PDGFC: variants seen among roughly 807,000 people sequenced by gnomAD.
PDGFC encodes platelet-derived growth factor C.
PDGFC carries 12 observed loss-of-function variants against 35.5 expected under a neutral mutation model. That is an observed-to-expected ratio of 0.34 (90% confidence interval 0.22 to 0.55). PDGFC has a LOEUF of 0.55. Ranked by LOEUF, PDGFC falls within the 20% of genes least tolerant of loss-of-function variation. The pLI is 0.91. For missense variants in PDGFC, 322 were observed against 412.4 expected (o/e 0.78, Z 1.90); for synonymous variants, 159 against 148.8 (o/e 1.07, Z -0.50).
chr4:156,895,435 T>C lies in PDGFC; in HGVS notation c.119-45019A>G, dbSNP rs151262481. ...AAATCACTAGGTCAGGAGTTCAAGA[T>C]CAGCCTGGCCAACATGGTAAACCCC... On this transcript the variant is annotated intron_variant, in intron 1 of 5. Transcript: ENST00000502773. 2.4e-3 allele frequency among the ~76,000 whole-genome samples: 370 copies of C among 151,996 alleles called. 4 individuals are homozygous for C. The East Asian group carries it at 0.027, about 11-fold the overall frequency.
intron 2 of PDGFC, among the ~76,000 whole-genome samples, chr4:156,821,269 T>C (rs1332835815): frequency 6.6e-6 from 1 of 151,892 alleles, no homozygotes; most frequent in African/African-American, 2.4e-5. Context: ...CACTCTGTCA[T>C]ACAGGCTGGA....
intron 1 of PDGFC, among the ~76,000 whole-genome samples, chr4:156,861,172 A>G (rs549470946): frequency 6.6e-6 from 1 of 152,232 alleles, no homozygotes; most frequent in African/African-American, 2.4e-5. Context: ...ATGAGTGAAA[A>G]CAGTAAGAGG....
At chr4:156,904,614 G>T (rs1342473713) in intron 1 of PDGFC, among the ~76,000 whole-genome samples, 1 of 152,014 alleles carries the variant, frequency 6.6e-6, no homozygotes, top group Non-Finnish European at 1.5e-5. Context: ...ACATATAAGA[G>T]AATTTCACCA....
chr4:156,789,094 G>A (rs927461951), intron 3 of PDGFC, among the ~76,000 whole-genome samples: 12 of 152,122 alleles, frequency 7.9e-5, no homozygotes, highest in African/African-American at 2.9e-4. Context: ...GTGAACACTG[G>A]AAATACTTTT....
At chr4:156,932,173 A>AT (rs951573850) in intron 1 of PDGFC, among the ~76,000 whole-genome samples, 22 of 151,712 alleles carry the variant, frequency 1.5e-4, no homozygotes, top group East Asian at 3.9e-4. Context: ...CTTTTAAGGG[A>AT]TTTTTTTTTA....
At chr4:156,854,877 A>G (rs1729537145) in intron 1 of PDGFC, among the ~76,000 whole-genome samples, 2 of 152,276 alleles carry the variant, frequency 1.3e-5, no homozygotes, top group Non-Finnish European at 2.9e-5. Context: ...TGCACACTTA[A>G]CAAGAATCAA....
Position 156,807,121 on chromosome 4 carries a change from T to G in PDGFC, c.495+3716A>C, listed in dbSNP as rs544178916. On this transcript the variant is annotated intron_variant, in intron 3 of 5. Transcript: ENST00000502773. ...ACTGTATGTATCATTTGGCATCAAT[T>G]TGCAGAAATTTATTTTTTATTAGTT... Among the ~76,000 whole-genome samples the G allele has an allele frequency of 2.0e-5, 3 of 152,060 alleles. No homozygotes were observed. The East Asian group carries it at 5.8e-4, about 29-fold the overall frequency.
intron 1 of PDGFC, among the ~76,000 whole-genome samples, chr4:156,970,441 CTCAT>C (rs1158323531): frequency 1.3e-5 from 2 of 152,234 alleles, no homozygotes; most frequent in South Asian, 2.1e-4. Context: ...CATGCCAAGG[CTCAT>C]TCATTTTGGA....
intron 3 of PDGFC, among the ~76,000 whole-genome samples, chr4:156,785,252 A>C (rs945404841): frequency 6.6e-6 from 1 of 152,138 alleles, no homozygotes; most frequent in Non-Finnish European, 1.5e-5. Context: ...TGGTGTGTGG[A>C]GTACAGTGGC....
chr4:156,780,255 T>G (rs1286189931), intron 3 of PDGFC, among the ~76,000 whole-genome samples: 1 of 152,102 alleles, frequency 6.6e-6, no homozygotes, highest in East Asian at 1.9e-4. Context: ...AATCTTATAT[T>G]GAATACTTGT....
intron 2 of PDGFC, among the ~76,000 whole-genome samples, chr4:156,817,415 T>A (rs573600183): frequency 6.6e-6 from 1 of 152,284 alleles, no homozygotes; most frequent in East Asian, 1.9e-4. Context: ...AAAGTATAAG[T>A]ATATTTTATG....
chr4:156,793,827 TAAA>T (rs71602277), intron 3 of PDGFC, among the ~76,000 whole-genome samples: 1 of 146,510 alleles, frequency 6.8e-6, no homozygotes, highest in Admixed American at 6.8e-5. Flanking sequence ...ATTTTTGGAT[TAAA>T]AAAAAAAACT....
intron 3 of PDGFC, among the ~76,000 whole-genome samples, chr4:156,795,977 T>C (rs1731429229): frequency 6.6e-6 from 1 of 152,210 alleles, no homozygotes; most frequent in Non-Finnish European, 1.5e-5. Flanking sequence ...GATTTATTTA[T>C]AGTGACTATT....
At chr4:156,862,731 T>C (rs1374803797) in intron 1 of PDGFC, among the ~76,000 whole-genome samples, 1 of 152,080 alleles carries the variant, frequency 6.6e-6, no homozygotes. Flanking sequence ...CTCTCTTTTT[T>C]TTTTTTTGGT....
At chr4:156,879,408 A>G (rs1467115583) in intron 1 of PDGFC, among the ~76,000 whole-genome samples, 2 of 152,168 alleles carry the variant, frequency 1.3e-5, no homozygotes, top group African/African-American at 4.8e-5. Context: ...AGCTTTATAG[A>G]TTTCAATTCC....
intron 1 of PDGFC, among the ~76,000 whole-genome samples, chr4:156,855,658 T>C (rs1729557433): frequency 6.6e-6 from 1 of 152,204 alleles, no homozygotes; most frequent in Non-Finnish European, 1.5e-5. Flanking sequence ...TATAAATTGA[T>C]AATACACACA....
At chr4:156,959,571 C>A (rs1415071219) in intron 1 of PDGFC, among the ~76,000 whole-genome samples, 1 of 152,046 alleles carries the variant, frequency 6.6e-6, no homozygotes, top group African/African-American at 2.4e-5. Flanking sequence ...ATTTTCAGAA[C>A]AATGTTTGTA....
chr4:156,891,997 G>A (rs187576955), intron 1 of PDGFC, among the ~76,000 whole-genome samples: 244 of 152,242 alleles, frequency 1.6e-3, no homozygotes, highest in African/African-American at 4.7e-3. Flanking sequence ...CATGAAGTAC[G>A]TGCTGGTTGT....
chr4:156,904,122 A>C (rs1730858226), intron 1 of PDGFC, among the ~76,000 whole-genome samples: 1 of 152,126 alleles, frequency 6.6e-6, no homozygotes, highest in Non-Finnish European at 1.5e-5. Context: ...GAAAAATTGG[A>C]TTAAGTTGGG....
Sources: gnomAD v4.1 joint callset for allele counts (sites outside exome capture counted in the v4.1 genomes callset) on GRCh38, gnomAD v4.1.1 for gene constraint, MANE v1.5 for transcripts, NCBI Gene and HGNC (gene_info 2026-07-23, HGNC 2026-07-21) for gene names.